IGSF21: variants seen among roughly 807,000 people sequenced by gnomAD.
IGSF21 encodes the protein immunoglobulin superfamily member 21.
In IGSF21, 28 loss-of-function variants were observed where a neutral mutation model predicts 46.8. The observed-to-expected ratio is 0.60, with a 90% CI of 0.44 to 0.82. IGSF21 has a LOEUF of 0.82. IGSF21 is among the 40% of genes least tolerant of loss of function. IGSF21 has a pLI of 0.00. For missense variants in IGSF21, 624 were observed against 665.5 expected (o/e 0.94, Z 0.69); for synonymous variants, 284 against 273.6 (o/e 1.04, Z -0.38).
At chr1:18,117,373 G>T (rs1484813895) in intron 1 of IGSF21, among the ~76,000 whole-genome samples, 4 of 152,218 alleles carry the variant, frequency 2.6e-5, no homozygotes, top group African/African-American at 4.8e-5. Flanking sequence ...GGGAGGAGGA[G>T]CGCGGTCCTG....
intron 3 of IGSF21, among the ~76,000 whole-genome samples, chr1:18,301,468 T>TC (rs151020149): frequency 9.5e-4 from 145 of 152,180 alleles, no homozygotes; most frequent in African/African-American, 3.3e-3. Flanking sequence ...GCCTCCCGAG[T>TC]AGCTGGGATT....
intron 3 of IGSF21, among the ~76,000 whole-genome samples, chr1:18,312,617 C>T (rs1419450287): frequency 2.0e-5 from 3 of 152,176 alleles, no homozygotes; most frequent in Non-Finnish European, 4.4e-5. Context: ...GCAATGGCAT[C>T]GCTCTGGCCT....
At chr1:18,346,121 G>A (rs1033991755) in intron 4 of IGSF21, among the ~76,000 whole-genome samples, 14 of 152,180 alleles carry the variant, frequency 9.2e-5, no homozygotes, top group Admixed American at 5.9e-4. Context: ...CCCTGTAAAT[G>A]TCAGTGGAGT....
At chr1:18,161,316 T>C (rs116359141) in intron 1 of IGSF21, among the ~76,000 whole-genome samples, 4,965 of 152,126 alleles carry the variant, frequency 0.033, 104 homozygotes, top group South Asian at 0.057. Context: ...ACCATCCCCA[T>C]GCCGCAGAGG....
chr1:18,328,408 C>T (rs1044320001), intron 3 of IGSF21, among the ~76,000 whole-genome samples: 1 of 152,176 alleles, frequency 6.6e-6, no homozygotes, highest in Non-Finnish European at 1.5e-5. Context: ...GGTTGTATGG[C>T]TACTCAAAGT....
intron 1 of IGSF21, among the ~76,000 whole-genome samples, chr1:18,201,607 C>T (rs1267833932): frequency 6.6e-6 from 1 of 152,106 alleles, no homozygotes; most frequent in East Asian, 1.9e-4. Context: ...CCAGGCATGG[C>T]CCCAGGATAT....
At chr1:18,245,434 ATTTG>A (rs963569687) in intron 2 of IGSF21, among the ~76,000 whole-genome samples, 3 of 152,050 alleles carry the variant, frequency 2.0e-5, no homozygotes, top group African/African-American at 7.2e-5. Context: ...GCTCTCAAGT[ATTTG>A]TTTTTTTATT....
intron 2 of IGSF21, among the ~76,000 whole-genome samples, chr1:18,286,152 C>T (rs1030135546): frequency 3.9e-5 from 6 of 152,200 alleles, no homozygotes; most frequent in Non-Finnish European, 7.3e-5. Context: ...CAAAGTAGGT[C>T]TTCTGCTCCC....
At chr1:18,153,086 G>GC (rs2086535390) in intron 1 of IGSF21, among the ~76,000 whole-genome samples, 1 of 152,128 alleles carries the variant, frequency 6.6e-6, no homozygotes, top group African/African-American at 2.4e-5. Flanking sequence ...CAGTGTTCGA[G>GC]CCCCCAAGGG....
intron 2 of IGSF21, among the ~76,000 whole-genome samples, chr1:18,260,737 G>A (rs78651196): frequency 0.046 from 6,999 of 152,238 alleles, 352 homozygotes; most frequent in African/African-American, 0.12. Flanking sequence ...GTTCCTTCAT[G>A]TCTTATGGAA....
At chr1:18,145,330 A>G (rs2086455780) in intron 1 of IGSF21, among the ~76,000 whole-genome samples, 1 of 152,108 alleles carries the variant, frequency 6.6e-6, no homozygotes, top group South Asian at 2.1e-4. Flanking sequence ...AATTTCCTCA[A>G]TTCACACTCC....
intron 2 of IGSF21, among the ~76,000 whole-genome samples, chr1:18,279,223 C>T (rs571499696): frequency 6.6e-6 from 1 of 152,314 alleles, no homozygotes; most frequent in African/African-American, 2.4e-5. Flanking sequence ...TAGCCATCAC[C>T]CTATGTTAAT....
At chr1:18,138,049 G>A (rs1411329983) in intron 1 of IGSF21, among the ~76,000 whole-genome samples, 2 of 152,020 alleles carry the variant, frequency 1.3e-5, no homozygotes, top group South Asian at 2.1e-4. Context: ...TTGGCCCACC[G>A]TGTCCCCAGC....
intron 3 of IGSF21, among the ~76,000 whole-genome samples, chr1:18,326,104 T>C (rs998863672): frequency 1.2e-4 from 18 of 150,180 alleles, no homozygotes; most frequent in Admixed American, 2.6e-4. Flanking sequence ...CAAACATCCC[T>C]CTAGTACCCA....
intron 3 of IGSF21, among the ~76,000 whole-genome samples, chr1:18,320,343 CA>C (rs199667301): frequency 0.018 from 1,361 of 76,784 alleles, 8 homozygotes; most frequent in Non-Finnish European, 0.039. Flanking sequence ...GCAGGACAGT[CA>C]AACATAATTG....
Position 18,365,239 on chromosome 1 carries a change from A to T in IGSF21, c.557A>T (p.Asp186Val), listed in dbSNP as rs745622996. The change falls in exon 6 of 10, where the codon GAT becomes GTT. Residue 186 changes from aspartate (D) to valine (V), a missense_variant. Coordinates refer to ENST00000251296, the MANE Select transcript of IGSF21 (RefSeq NM_032880.5). The surrounding 1 kb of genome is among the most constrained non-coding windows in gnomAD (Gnocchi z 4.8). ...KPAPMVYFKRDGEPIDAVPLS... is the reference protein window; with the variant it reads ...KPAPMVYFKRVGEPIDAVPLS... ...CAATGGCAGGTTTATTTCAAACGAG[A>T]TGGGGAACCAATCGACGCAGTGCCC... The T allele has an allele frequency of 1.1e-5, 18 of 1,602,414 alleles. No homozygotes were observed. Among genetic ancestry groups the T allele is most frequent in the Non-Finnish European group, 1.5e-5 (18 of 1,172,748 alleles).
intron 1 of IGSF21, chr1:18,113,278 G>C (rs1167945913): frequency 6.6e-6 from 1 of 152,118 alleles, no homozygotes; most frequent in Non-Finnish European, 1.5e-5. Flanking sequence ...TGAGATCCTG[G>C]AACCCACCTT....
intron 2 of IGSF21, among the ~76,000 whole-genome samples, chr1:18,291,174 G>T (rs112896254): frequency 6.6e-6 from 1 of 152,174 alleles, no homozygotes; most frequent in Non-Finnish European, 1.5e-5. Flanking sequence ...CATGAACAGC[G>T]GGACAGCCCG....
chr1:18,192,893 C>T (rs571745678), intron 1 of IGSF21, among the ~76,000 whole-genome samples: 2 of 152,074 alleles, frequency 1.3e-5, no homozygotes, highest in Admixed American at 6.5e-5. Flanking sequence ...TTCGTTTATT[C>T]GACACATATT....
Sources: gnomAD v4.1 joint callset for allele counts (sites outside exome capture counted in the v4.1 genomes callset) on GRCh38, gnomAD v4.1.1 for gene constraint, Gnocchi (gnomAD v3.1) non-coding constraint, MANE v1.5 for transcripts, NCBI Gene and HGNC (gene_info 2026-07-23, HGNC 2026-07-21) for gene names.